ARMH3: variants seen among roughly 807,000 people sequenced by gnomAD.
ARMH3 encodes armadillo-like helical domain-containing protein 3.
ARMH3 carries 60 observed loss-of-function variants against 99.1 expected under a neutral mutation model. That is an observed-to-expected ratio of 0.61 (90% confidence interval 0.49 to 0.75). The LOEUF is 0.75. Ranked by LOEUF, ARMH3 falls within the 30% of genes least tolerant of loss-of-function variation. ARMH3 has a pLI of 0.00. For synonymous variants in ARMH3, 285 were observed against 292.8 expected, an observed-to-expected ratio of 0.97 and a Z score of 0.27; for missense variants, 679 against 843.1, an observed-to-expected ratio of 0.81 and a Z score of 2.41.
At chr10:101,897,740 A>C (rs939756598) in intron 23 of ARMH3, among the ~76,000 whole-genome samples, 2 of 152,232 alleles carry the variant, frequency 1.3e-5, no homozygotes, top group Admixed American at 1.3e-4. Flanking sequence ...GAAATTGCTA[A>C]AGCCAGCCAC....
At chr10:101,860,300 C>A (rs1232075389) in intron 24 of ARMH3, among the ~76,000 whole-genome samples, 1 of 152,032 alleles carries the variant, frequency 6.6e-6, no homozygotes, top group Non-Finnish European at 1.5e-5. Flanking sequence ...AGGGAAGGTT[C>A]TCTGAAAAAT....
At chr10:102,039,585 CCAA>C (rs1206372886) in intron 2 of ARMH3, among the ~76,000 whole-genome samples, 1 of 152,112 alleles carries the variant, frequency 6.6e-6, no homozygotes, top group Non-Finnish European at 1.5e-5. Context: ...ATTTCCTTCA[CCAA>C]CAACTTGAGA....
intron 24 of ARMH3, among the ~76,000 whole-genome samples, chr10:101,871,959 C>T (rs1481472740): frequency 6.6e-6 from 1 of 151,796 alleles, no homozygotes; most frequent in Non-Finnish European, 1.5e-5. Flanking sequence ...GAGAATGTGC[C>T]ACTGCACTCC....
chr10:101,983,525 C>T (rs1846323817), intron 19 of ARMH3, among the ~76,000 whole-genome samples: 1 of 152,164 alleles, frequency 6.6e-6, no homozygotes, highest in African/African-American at 2.4e-5. Flanking sequence ...TCCCAAAGTG[C>T]TAGGATTACA....
chr10:101,885,036 A>G (rs2067506667), intron 24 of ARMH3, among the ~76,000 whole-genome samples: 1 of 152,218 alleles, frequency 6.6e-6, no homozygotes, highest in Non-Finnish European at 1.5e-5. Flanking sequence ...ATGATCTACA[A>G]ATGGCTAATA....
intron 8 of ARMH3, among the ~76,000 whole-genome samples, chr10:102,019,927 C>T (rs1329953437): frequency 9.2e-6 from 1 of 108,482 alleles, no homozygotes; most frequent in African/African-American, 3.6e-5. Context: ...GACTCTGTCT[C>T]AAAAAAAAAA....
chr10:101,852,760 AAAAAAGAAAAG>A (rs1200982679), intron 24 of ARMH3, among the ~76,000 whole-genome samples: 20 of 152,138 alleles, frequency 1.3e-4, no homozygotes, highest in East Asian at 5.8e-4. Context: ...TCTCAAAAAA[AAAAAAGAAAAG>A]AAAAAGAAAA....
Position 101,991,960 on chromosome 10 carries a change from C to T in ARMH3, c.1345+9G>A, listed in dbSNP as rs752874355. On this transcript the variant is annotated intron_variant, in intron 18 of 25. Coordinates refer to ENST00000370033, the MANE Select transcript of ARMH3 (RefSeq NM_024541.3). ...CAGAACAATGTCAATGTTGATGATA[C>T]TCACTCACCCAGTACTGCACATACT... is the stretch of plus-strand genomic sequence containing the variant. 1.2e-4 allele frequency: 195 copies of T among 1,609,814 alleles called. No homozygotes were observed. Among genetic ancestry groups the T allele is most frequent in the Non-Finnish European group, 6.8e-6 (8 of 1,176,370 alleles).
intron 4 of ARMH3, among the ~76,000 whole-genome samples, chr10:102,030,848 T>C (rs572581702): frequency 5.5e-4 from 84 of 152,100 alleles, no homozygotes; most frequent in Non-Finnish European, 9.3e-4. Context: ...GTGGCGTGAG[T>C]GATCCCGCCT....
At chr10:101,991,517 A>G (rs920938523) in intron 18 of ARMH3, among the ~76,000 whole-genome samples, 4 of 152,116 alleles carry the variant, frequency 2.6e-5, no homozygotes, top group African/African-American at 9.6e-5. Context: ...AGTAGCTGGG[A>G]TTACAGGCGC....
intron 1 of ARMH3, among the ~76,000 whole-genome samples, chr10:102,041,100 T>TATATATATA (rs2067411328): frequency 6.8e-6 from 1 of 146,156 alleles, no homozygotes; most frequent in Non-Finnish European, 1.5e-5. Context: ...AATATATATA[T>TATATATATA]ATATATATAT....
chr10:101,971,151 T>C (rs958264583), intron 20 of ARMH3, among the ~76,000 whole-genome samples: 4 of 94,396 alleles, frequency 4.2e-5, no homozygotes, highest in South Asian at 6.6e-4. Flanking sequence ...TACACTAAAA[T>C]AGGGGCCCAA....
chr10:101,898,580 A>C (rs2067898230), intron 23 of ARMH3, among the ~76,000 whole-genome samples: 1 of 152,224 alleles, frequency 6.6e-6, no homozygotes, highest in African/African-American at 2.4e-5. Flanking sequence ...AAAAGCTGCT[A>C]TGTACATCTT....
At chr10:101,960,178 CAA>C (rs929275336) in intron 20 of ARMH3, among the ~76,000 whole-genome samples, 1 of 141,018 alleles carries the variant, frequency 7.1e-6, no homozygotes, top group African/African-American at 2.6e-5. Flanking sequence ...ACTCCTTCTC[CAA>C]AAAAAAAAAG....
In ARMH3 at chr10:102,011,739, G is replaced by A. The variant is rs200005531; in HGVS notation, c.815C>T (p.Ser272Phe). The change falls in exon 11 of 26, where the codon TCT (serine) becomes TTT (phenylalanine). Residue 272 changes from serine to phenylalanine, a missense_variant. By Grantham distance (155) the Ser-to-Phe change is radical (BLOSUM62 -2). This residue lies in a region of ARMH3 where 280 missense variants were observed against 354.6 expected (regional missense o/e 0.79). Transcript: ENST00000370033. ...AGGACTTACCATATTTGTTAAAGCA[G>A]AGAAAAAACCACTTTGGTGTTCTTC... ...KEEEHQSGFFSALTNMVGSMF... is the reference protein window; with the variant it reads ...KEEEHQSGFFFALTNMVGSMF... 1.1e-5 allele frequency: 17 copies of A among 1,605,622 alleles called. No homozygotes were observed. The highest frequency in any genetic ancestry group is 1.7e-4 in the Middle Eastern group (1 of 6,044).
rs148734869 is a variant in ARMH3, at chr10:102,050,450, T to C, written c.-12+5635A>G. Among the ~76,000 whole-genome samples the C allele has an allele frequency of 3.1e-3, 465 of 151,570 alleles. 2 individuals are homozygous for C. Among genetic ancestry groups the C allele is most frequent in the Non-Finnish European group, 5.3e-3 (361 of 67,880 alleles). ...GCCTGGGCAACAGAGCAAGACTCTG[T>C]CTCAAATAAATAAATAAATACATAC... On this transcript the variant is annotated intron_variant, in intron 1 of 25. Coordinates refer to ENST00000370033, the MANE Select transcript of ARMH3 (RefSeq NM_024541.3).
At position 102,013,978 on chromosome 10, in the gene ARMH3, G is replaced by A. The variant is rs763131574; in HGVS notation, c.716C>T (p.Ala239Val). 2.6e-5 allele frequency: 42 copies of A among 1,608,690 alleles called. No homozygotes were observed. Among genetic ancestry groups the A allele is most frequent in the East Asian group, 4.5e-5 (2 of 44,792 alleles). Residue 239 changes from alanine (A) to valine (V), a missense_variant, in exon 9 of 26, where the codon GCC (alanine) becomes GTC (valine). By Grantham distance (64) the Ala-to-Val change is moderately conservative. Coordinates refer to ENST00000370033, the MANE Select transcript of ARMH3 (RefSeq NM_024541.3). ...GATCCAGATACTCACATTGAGTGTG[G>A]CCTCATCATCCACGATAGACAGCTT... ...IVKLSIVDDE[A>V]TLNGMGLVIA...
intron 1 of ARMH3, among the ~76,000 whole-genome samples, chr10:102,050,710 T>G (rs1564887444): frequency 6.6e-6 from 1 of 150,938 alleles, no homozygotes; most frequent in Non-Finnish European, 1.5e-5. Context: ...ATACAAAAAT[T>G]AGTCAGCGTG....
At chr10:102,000,929 G>C (rs911340987) in intron 15 of ARMH3, among the ~76,000 whole-genome samples, 2 of 151,976 alleles carry the variant, frequency 1.3e-5, no homozygotes, top group Non-Finnish European at 2.9e-5. Flanking sequence ...CAATTCTCCT[G>C]TATCAGCCTC....
Sources: allele counts gnomAD v4.1 joint callset (sites outside exome capture counted in the v4.1 genomes callset), GRCh38; gene constraint gnomAD v4.1.1; regional missense constraint gnomAD v4.1.1; transcripts MANE v1.5; gene names NCBI Gene and HGNC (gene_info 2026-07-23, HGNC 2026-07-21).